DLEC1: variants seen among roughly 807,000 people sequenced by gnomAD.
DLEC1 encodes deleted in lung and esophageal cancer protein 1.
Under a neutral mutation model 198.1 loss-of-function variants are expected in DLEC1, and 146 were observed. The observed-to-expected ratio is 0.74, with a 90% CI of 0.64 to 0.85. The LOEUF (loss-of-function observed/expected upper bound fraction) is 0.85. Among genes scored for constraint, DLEC1 ranks in the 40% least tolerant of loss-of-function variants. DLEC1 has a pLI of 0.00. For synonymous variants in DLEC1, 897 were observed against 866.8 expected (o/e 1.03, Z -0.61); for missense variants, 2,233 against 2,220.0 (o/e 1.01, Z -0.12).
chr3:38,097,997 T>C, intron 18 of DLEC1, 95 bp downstream of exon 18: 1 of 1,497,962 alleles, frequency 6.7e-7, no homozygotes, highest in Non-Finnish European at 9.1e-7. Context: ...AGATCAGAGC[T>C]TCGAGGCTGG....
chr3:38,093,824 C>T, intron 12 of DLEC1, 57 bp downstream of exon 12: 5 of 1,600,180 alleles, frequency 3.1e-6, no homozygotes, highest in East Asian at 2.2e-5. Flanking sequence ...TTACCTGGCC[C>T]TCAGTCCCAG....
At chr3:38,107,556 G>A in intron 19 of DLEC1, 28 bp from the exon 20 acceptor site, 3 of 1,560,106 alleles carry the variant, frequency 1.9e-6, no homozygotes, top group Non-Finnish European at 2.6e-6. Context: ...TTTCTAATCA[G>A]TATGCCTTTT....
intron 13 of DLEC1, 33 bp downstream of exon 13, chr3:38,095,104 G>A: frequency 6.2e-7 from 1 of 1,610,008 alleles, no homozygotes; most frequent in South Asian, 1.1e-5. Context: ...AGCCACACAT[G>A]GTTGGATCAT....
intron 33 of DLEC1, 74 bp downstream of exon 33, chr3:38,118,098 C>A (rs1381805790): frequency 8.0e-6 from 12 of 1,491,900 alleles, no homozygotes; most frequent in Non-Finnish European, 1.1e-5. Context: ...CCCTGCACGC[C>A]ACCCTCAGGT....
intron 19 of DLEC1, among the ~76,000 whole-genome samples, chr3:38,101,613 T>C (rs532538907): frequency 3.0e-4 from 45 of 152,346 alleles, no homozygotes; most frequent in African/African-American, 1.1e-3. Context: ...GTGGATGCTC[T>C]TGAATTATCC....
intron 2 of DLEC1, among the ~76,000 whole-genome samples, chr3:38,053,993 C>T (rs1451937179): frequency 1.3e-5 from 2 of 152,036 alleles, no homozygotes; most frequent in Non-Finnish European, 2.9e-5. Context: ...TGCTTGAAGG[C>T]AGCATGCTCC....
chr3:38,113,615 C>T (rs1239512791), intron 25 of DLEC1, among the ~76,000 whole-genome samples: 1 of 152,004 alleles, frequency 6.6e-6, no homozygotes, highest in Non-Finnish European at 1.5e-5. Context: ...CACTTGTGCC[C>T]AGGAGTTAGA....
At chr3:38,119,291 C>G (rs778904268) in intron 33 of DLEC1, among the ~76,000 whole-genome samples, 2 of 152,190 alleles carry the variant, frequency 1.3e-5, no homozygotes, top group Non-Finnish European at 2.9e-5. Context: ...TCCCCATCCC[C>G]TCCCCACCTT....
chr3:38,082,724 C>T (rs1323903626), intron 6 of DLEC1, among the ~76,000 whole-genome samples: 2 of 151,730 alleles, frequency 1.3e-5, no homozygotes, highest in African/African-American at 4.8e-5. Flanking sequence ...TTGCCCCTCC[C>T]CCAGAAAAGC....
chr3:38,100,200 A>C, intron 18 of DLEC1, 86 bp from the exon 19 acceptor site: 3 of 1,472,974 alleles, frequency 2.0e-6, no homozygotes, highest in Non-Finnish European at 2.7e-6. Context: ...CTTAGGAGTG[A>C]CTTTGGTTAG....
chr3:38,111,789 C>A (rs147740483), intron 24 of DLEC1, 42 bp downstream of exon 24: 55,079 of 1,593,072 alleles, frequency 0.035, 1,163 homozygotes, highest in Non-Finnish European at 0.042. Flanking sequence ...CAGGCCACGG[C>A]CAGAGCCACA....
intron 1 of DLEC1, among the ~76,000 whole-genome samples, chr3:38,042,545 T>C (rs2125569523): frequency 6.7e-6 from 1 of 149,456 alleles, no homozygotes; most frequent in African/African-American, 2.5e-5. Context: ...TTCTGTAATG[T>C]TGCTGGCTTT....
chr3:38,116,422 T>A (rs753911156), intron 27 of DLEC1, 31 bp from the exon 28 acceptor site: 3 of 1,612,984 alleles, frequency 1.9e-6, no homozygotes, highest in Non-Finnish European at 2.5e-6. Context: ...TCCTCCCTTA[T>A]TCCTCACCCT....
At position 38,118,022 on chromosome 3, in the gene DLEC1, C is replaced by T; in HGVS notation, c.4702C>T (p.Leu1568=). The T allele has an allele frequency of 6.3e-7, 1 of 1,594,838 alleles. No homozygotes were observed. Among genetic ancestry groups the T allele is most frequent in the Non-Finnish European group, 8.5e-7 (1 of 1,170,918 alleles). The change falls in exon 33 of 37, where the codon CTG becomes TTG. Residue 1568 remains leucine (L), a splice_region_variant and synonymous_variant. Coordinates refer to ENST00000308059, the MANE Select transcript of DLEC1 (RefSeq NM_007335.4). ...QLVLQAQENM[L]VNVSFSLSLE... is the part of the protein sequence containing the mutation. ...GGTGCTCCAAGCACAGGAGAACATG[C>T]TGGTCAGTGGGGGAGTCTGCAGCCC...
At position 38,122,092 on chromosome 3, in the gene DLEC1, CCG is replaced by C. The variant is rs773843810; in HGVS notation, c.5044_5045del (p.Ala1682CysfsTer35). On this transcript the variant is annotated frameshift_variant, in exon 36 of 37. Coordinates refer to ENST00000308059, the MANE Select transcript of DLEC1 (RefSeq NM_007335.4). LOFTEE classifies it high-confidence loss of function. The stretch of plus-strand genomic sequence containing the variant: ...GCAGGCCAGCAGGAGCCAGCCAAGG[CCG>C]CTGTGGCCTTCAGGGTCTCCCCAAA... 1.9e-6 allele frequency: 3 copies of C among 1,613,982 alleles called. No individual in the cohort carries two copies. The highest frequency in any genetic ancestry group is 2.5e-6 in the Non-Finnish European group (3 of 1,179,972).
At position 38,067,752 on chromosome 3, in the gene DLEC1, CT is replaced by C. The variant is rs34213412; in HGVS notation, c.1173+3851del. On this transcript the variant is annotated intron_variant, in intron 6 of 36. Coordinates refer to ENST00000308059, the MANE Select transcript of DLEC1 (RefSeq NM_007335.4). ...ATGACAATGCAAGTGAGTATCTGCA[CT>C]TTTTTTTTTTTTTTTTTGAGATGGA... Among the ~76,000 whole-genome samples the C allele has an allele frequency of 5.5e-3, 682 of 123,694 alleles. 6 individuals are homozygous for C. The highest frequency in any genetic ancestry group is 0.019 in the Middle Eastern group (4 of 212). 81.1% of individuals were successfully genotyped at this position (123,694 alleles called of 152,430 possible). A position where few individuals can be genotyped will look rare whatever the true frequency, so the allele number is the denominator to read the frequency against.
chr3:38,087,532 GACACCATCCATCAGCATGCTC>G (rs1412890019), intron 9 of DLEC1, among the ~76,000 whole-genome samples: 1,352 of 106,602 alleles, frequency 0.013, 1 homozygote, highest in Middle Eastern at 0.059. Context: ...CATCAGCACT[GACACCATCCATCAGCATGCTC>G]ACACCATCCA....
In DLEC1 at chr3:38,117,314, G is replaced by T. The variant is rs1487806753; in HGVS notation, c.4400+12G>T. ...GTGAGGCCTGCACAGTGAGTCAGCT[G>T]GGGTGCCCCATCTCCTTTCATCCCC... On this transcript the variant is annotated intron_variant, in intron 31 of 36. Coordinates refer to ENST00000308059, the MANE Select transcript of DLEC1 (RefSeq NM_007335.4). 1.9e-6 allele frequency: 3 copies of T among 1,613,568 alleles called. No homozygotes were observed. Among genetic ancestry groups the T allele is most frequent in the Admixed American group, 3.3e-5 (2 of 59,956 alleles).
At chr3:38,101,245 C>T (rs1333662462) in intron 19 of DLEC1, among the ~76,000 whole-genome samples, 3 of 152,140 alleles carry the variant, frequency 2.0e-5, no homozygotes, top group Non-Finnish European at 4.4e-5. Flanking sequence ...ATCACGAGGT[C>T]AGGAGTTCGA....
Sources: allele counts gnomAD v4.1 joint callset (sites outside exome capture counted in the v4.1 genomes callset), GRCh38; gene constraint gnomAD v4.1.1; transcripts MANE v1.5; gene names NCBI Gene and HGNC (gene_info 2026-07-23, HGNC 2026-07-21).